ADGRL4: variants seen among roughly 807,000 people sequenced by gnomAD.
The protein encoded by ADGRL4 is EGF, latrophilin and seven transmembrane domain containing 1.
Under a neutral mutation model 74.8 loss-of-function variants are expected in ADGRL4, and 90 were observed. The observed-to-expected ratio is 1.20, with a 90% CI of 1.02 to 1.43. The LOEUF (loss-of-function observed/expected upper bound fraction) is 1.43, where lower values mean the gene tolerates loss of function less well. Among genes scored for constraint, ADGRL4 ranks in the 40% most tolerant of loss-of-function variants. The pLI is 0.00. For missense variants in ADGRL4, 881 were observed against 814.3 expected (o/e 1.08, Z -1.00); for synonymous variants, 311 against 279.2 (o/e 1.11, Z -1.14).
intron 4 of ADGRL4, among the ~76,000 whole-genome samples, chr1:78,938,880 G>A (rs1649415654): frequency 6.6e-6 from 1 of 151,984 alleles, no homozygotes; most frequent in Non-Finnish European, 1.5e-5. Flanking sequence ...GTGGGAATGG[G>A]TCTAGAGTCA....
Position 78,891,772 on chromosome 1 carries a change from A to T in ADGRL4, c.1842-80T>A, listed in dbSNP as rs79008961. The T allele has an allele frequency of 2.6e-3, 3,453 of 1,312,588 alleles. 55 individuals carry two copies. The African/African-American group carries it at 0.041, about 16-fold the overall frequency. 81.3% of individuals were successfully genotyped at this position (1,312,588 alleles called of 1,614,324 possible). ...TCCCAAATTACTCAAATTATGTGGG[A>T]GGTGAGTTTTCAGTATAACCAAGAA... On this transcript the variant is annotated intron_variant, in intron 13 of 14. Coordinates refer to ENST00000370742, the MANE Select transcript of ADGRL4 (RefSeq NM_022159.4).
At chr1:78,972,804 A>G (rs1325398387) in intron 2 of ADGRL4, among the ~76,000 whole-genome samples, 1 of 152,208 alleles carries the variant, frequency 6.6e-6, no homozygotes, top group Non-Finnish European at 1.5e-5. Context: ...ACATTTGCAT[A>G]CGGTTCCCAC....
intron 2 of ADGRL4, among the ~76,000 whole-genome samples, chr1:78,991,781 G>A (rs996923823): frequency 1.3e-5 from 2 of 151,900 alleles, no homozygotes; most frequent in African/African-American, 2.4e-5. Flanking sequence ...GATTATTTCT[G>A]CTCCCATAGT....
chr1:78,907,878 C>T (rs1400486910), intron 12 of ADGRL4, among the ~76,000 whole-genome samples: 1 of 151,840 alleles, frequency 6.6e-6, no homozygotes, highest in African/African-American at 2.4e-5. Flanking sequence ...ATCCACACGT[C>T]CCCGTTTGCC....
rs764790184 is a variant in ADGRL4 at position 78,936,382 on chromosome 1, T to C, written c.790A>G (p.Asn264Asp). Reference sequence around the variant, plus strand: ...ATATGAGGATGAATATGTTTCATGTTATATGAATCAAAAAAGAAAACTTTG... The same window carrying C: ...ATATGAGGATGAATATGTTTCATGTCATATGAATCAAAAAAGAAAACTTTG... The part of the protein sequence containing the change: ...ALKVFFFDSY[N>D]MKHIHPHMNM... Residue 264 changes from asparagine (N) to aspartate (D), a missense_variant, in exon 7 of 15, where the codon AAC (asparagine) becomes GAC (aspartate). Physicochemically the swap from Asn to Asp is conservative, Grantham distance 23. Transcript: ENST00000370742. 1.1e-5 allele frequency: 17 copies of C among 1,569,772 alleles called. No individual in the cohort carries two copies. Among genetic ancestry groups the C allele is most frequent in the Non-Finnish European group, 1.5e-5 (17 of 1,165,852 alleles).
chr1:78,937,737 C>G, intron 6 of ADGRL4, 70 bp downstream of exon 6: 1 of 1,452,990 alleles, frequency 6.9e-7, no homozygotes, highest in Non-Finnish European at 9.4e-7. Context: ...GCCTCCTAAC[C>G]CCACCCAAAA....
In ADGRL4 at chr1:78,946,398, C is replaced by T; in HGVS notation, c.201G>A (p.Gln67=). 1 of 1,611,822 alleles carries T rather than the reference C, an allele frequency of 6.2e-7. No homozygotes were observed. Among genetic ancestry groups the T allele is most frequent in the Non-Finnish European group, 8.5e-7 (1 of 1,178,968 alleles). The change falls in exon 3 of 15, where the codon CAG becomes CAA. Residue 67 remains glutamine, a synonymous_variant. Coordinates refer to ENST00000370742, the MANE Select transcript of ADGRL4 (RefSeq NM_022159.4). ...EDDNECGNLT[Q]SCGENANCTN... ...TGCAATTAGCATTTTCGCCACAGGA[C>T]TGAGTTAAATTTCCACATTCATTAT...
At chr1:78,937,592 G>A (rs961490681) in intron 6 of ADGRL4, among the ~76,000 whole-genome samples, 1 of 152,204 alleles carries the variant, frequency 6.6e-6, no homozygotes, top group Non-Finnish European at 1.5e-5. Context: ...AGGTGGATAT[G>A]ATAGGAAGGA....
At chr1:78,992,967 C>T (rs1032965956) in intron 2 of ADGRL4, among the ~76,000 whole-genome samples, 1 of 152,010 alleles carries the variant, frequency 6.6e-6, no homozygotes, top group Non-Finnish European at 1.5e-5. Context: ...CTGGATAATA[C>T]ATTTAGAATT....
chr1:78,901,663 A>C (rs1175640982), intron 12 of ADGRL4, among the ~76,000 whole-genome samples: 1 of 152,210 alleles, frequency 6.6e-6, no homozygotes, highest in Non-Finnish European at 1.5e-5. Flanking sequence ...TGGTACTAGT[A>C]CATTTGTCAA....
intron 7 of ADGRL4, among the ~76,000 whole-genome samples, chr1:78,927,609 T>C (rs565479694): frequency 6.6e-6 from 1 of 152,224 alleles, no homozygotes; most frequent in East Asian, 1.9e-4. Context: ...TTATGCAGTG[T>C]CGGGGTAGAA....
intron 3 of ADGRL4, among the ~76,000 whole-genome samples, chr1:78,941,631 T>C (rs1649484125): frequency 6.6e-6 from 1 of 151,938 alleles, no homozygotes; most frequent in Admixed American, 6.6e-5. Context: ...AACACAAAAA[T>C]CTTGGCTCCA....
chr1:78,996,802 A>G (rs182283241), intron 2 of ADGRL4, among the ~76,000 whole-genome samples: 1 of 152,312 alleles, frequency 6.6e-6, no homozygotes, highest in Admixed American at 6.5e-5. Context: ...AATTATCAGA[A>G]GATAAATATA....
In ADGRL4 at chr1:78,891,049, G is replaced by T; in HGVS notation, c.*105C>A. The stretch of plus-strand genomic sequence containing the variant: ...ACTGATTTAAAATACTTTTTGTCTA[G>T]TAGTTAATAATTGGATAATTTGATG... On this transcript the variant is annotated 3_prime_UTR_variant, in exon 15 of 15. Coordinates refer to ENST00000370742, the MANE Select transcript of ADGRL4 (RefSeq NM_022159.4). 2 of 1,118,246 alleles carry T rather than the reference G, an allele frequency of 1.8e-6. No individual in the cohort carries two copies. The highest frequency in any genetic ancestry group is 2.7e-6 in the Non-Finnish European group (2 of 735,782). The allele number at this position is 1,118,246 out of a possible 1,614,324, so 69.3% of individuals were successfully genotyped here. A position where few individuals can be genotyped will look rare whatever the true frequency, so the allele number is the denominator to read the frequency against.
intron 2 of ADGRL4, among the ~76,000 whole-genome samples, chr1:78,983,942 G>T (rs574231195): frequency 6.6e-6 from 1 of 151,746 alleles, no homozygotes; most frequent in African/African-American, 2.4e-5. Flanking sequence ...GCCATCTTCA[G>T]ATAAACAAAC....
At chr1:78,968,253 G>A (rs1200627156) in intron 2 of ADGRL4, among the ~76,000 whole-genome samples, 1 of 151,906 alleles carries the variant, frequency 6.6e-6, no homozygotes, top group African/African-American at 2.4e-5. Flanking sequence ...CAGTCAGGCT[G>A]GTGGGAAATA....
chr1:78,983,456 G>A (rs1407448916), intron 2 of ADGRL4, among the ~76,000 whole-genome samples: 13 of 147,030 alleles, frequency 8.8e-5, no homozygotes, highest in Admixed American at 6.8e-5. Flanking sequence ...TCTAGAATTA[G>A]AAAAAAAAAA....
At chr1:78,921,173 T>C (rs1021636939) in intron 9 of ADGRL4, among the ~76,000 whole-genome samples, 1 of 151,602 alleles carries the variant, frequency 6.6e-6, no homozygotes, top group Non-Finnish European at 1.5e-5. Context: ...TCTTGTGGCG[T>C]TCTACATTGC....
At chr1:78,906,729 A>G (rs959859608) in intron 12 of ADGRL4, among the ~76,000 whole-genome samples, 3 of 152,010 alleles carry the variant, frequency 2.0e-5, no homozygotes, top group African/African-American at 7.2e-5. Context: ...AGTTTATAAA[A>G]CTGTAACCTT....
Sources: gnomAD v4.1 joint callset for allele counts (sites outside exome capture counted in the v4.1 genomes callset) on GRCh38, gnomAD v4.1.1 for gene constraint, MANE v1.5 for transcripts, NCBI Gene and HGNC (gene_info 2026-07-23, HGNC 2026-07-21) for gene names.